The following VOPP1 variants were observed in gnomAD, a reference collection of about 807,000 sequenced individuals.
The protein encoded by VOPP1 is VOPP1 WW domain binding protein.
Under a neutral mutation model 23.5 loss-of-function variants are expected in VOPP1, and 8 were observed. The ratio of observed to expected loss-of-function variants is 0.34; its 90% CI spans 0.20 to 0.61. The LOEUF (loss-of-function observed/expected upper bound fraction) is 0.61. VOPP1 is among the 20% of genes least tolerant of loss of function. The pLI, the probability that VOPP1 is intolerant of heterozygous loss-of-function variation, is 0.78. For synonymous variants in VOPP1, 83 were observed against 97.3 expected (o/e 0.85, Z 0.86); for missense variants, 174 against 238.1 (o/e 0.73, Z 1.77).
At chr7:55,545,035 T>C (rs979468198) in intron 1 of VOPP1, among the ~76,000 whole-genome samples, 1 of 152,276 alleles carries the variant, frequency 6.6e-6, no homozygotes, top group African/African-American at 2.4e-5. Context: ...AGAAGGTATG[T>C]GTATTATTTT....
chr7:55,452,442 C>T (rs1203810525), intron 4 of VOPP1, among the ~76,000 whole-genome samples: 3 of 152,166 alleles, frequency 2.0e-5, no homozygotes, highest in African/African-American at 7.2e-5. Context: ...TGACTGCCTC[C>T]CATGAATCAC....
intron 1 of VOPP1, among the ~76,000 whole-genome samples, chr7:55,532,545 G>T (rs1260991911): frequency 6.6e-6 from 1 of 152,220 alleles, no homozygotes; most frequent in African/African-American, 2.4e-5. Context: ...TCTCTATGGA[G>T]AGTGAGAATA....
chr7:55,532,524 G>A (rs866022630), intron 1 of VOPP1, among the ~76,000 whole-genome samples: 4 of 152,194 alleles, frequency 2.6e-5, no homozygotes, highest in African/African-American at 4.8e-5. Flanking sequence ...TCTCTACAAC[G>A]TACTTTTGTG....
intron 3 of VOPP1, among the ~76,000 whole-genome samples, chr7:55,494,382 G>A (rs962728974): frequency 5.9e-5 from 9 of 152,110 alleles, no homozygotes; most frequent in African/African-American, 1.4e-4. Context: ...GACCAGGCTC[G>A]CTGGATTGAA....
intron 2 of VOPP1, among the ~76,000 whole-genome samples, chr7:55,506,764 A>T (rs1460269067): frequency 6.7e-6 from 1 of 149,610 alleles, no homozygotes; most frequent in African/African-American, 2.5e-5. Context: ...TCAGCCTCCC[A>T]AGTAGCTGGG....
chr7:55,468,849 G>A (rs141545002), downstream of VOPP1, among the ~76,000 whole-genome samples: 19 of 152,300 alleles, frequency 1.2e-4, no homozygotes, highest in African/African-American at 4.1e-4. Flanking sequence ...CTCAGTGTTC[G>A]AAGGATTTGA....
At chr7:55,442,489 A>C (rs1208295551) in intron 4 of VOPP1, among the ~76,000 whole-genome samples, 1 of 152,192 alleles carries the variant, frequency 6.6e-6, no homozygotes, top group Non-Finnish European at 1.5e-5. Context: ...GTGGGTTGTC[A>C]GTGTCTCAAC....
intron 4 of VOPP1, among the ~76,000 whole-genome samples, chr7:55,446,432 A>G (rs952237599): frequency 1.3e-5 from 2 of 152,156 alleles, no homozygotes; most frequent in Non-Finnish European, 2.9e-5. Context: ...TAGAGATACC[A>G]CACCCTTCCC....
chr7:55,511,386 AAAC>A (rs1795061847), intron 2 of VOPP1, among the ~76,000 whole-genome samples: 1 of 152,246 alleles, frequency 6.6e-6, no homozygotes, highest in African/African-American at 2.4e-5. Flanking sequence ...AAAATATATG[AAAC>A]ATCATACCAA....
chr7:55,566,137 G>A (rs1309545073), intron 1 of VOPP1, among the ~76,000 whole-genome samples: 1 of 152,186 alleles, frequency 6.6e-6, no homozygotes, highest in Non-Finnish European at 1.5e-5. Flanking sequence ...GGTGGCCAAA[G>A]GAGAATGATA....
At chr7:55,439,599 T>A (rs139359003) in intron 4 of VOPP1, among the ~76,000 whole-genome samples, 89 of 152,014 alleles carry the variant, frequency 5.9e-4, no homozygotes, top group African/African-American at 2.1e-3. Context: ...AGTGCTGGAG[T>A]GACGTCTCCA....
rs142961857 is a variant in VOPP1 at position 55,544,690 on chromosome 7, T to C, written c.55-23560A>G. Among the ~76,000 whole-genome samples, 36 of 152,282 alleles carry C rather than the reference T, an allele frequency of 2.4e-4. No individual in the cohort carries two copies. The East Asian group carries it at 6.4e-3, about 27-fold the overall frequency. On this transcript the variant is annotated intron_variant, in intron 1 of 4. Transcript: ENST00000285279. Reference sequence around the variant, plus strand: ...TAACATTTAACTCTGGAGAGTGTTGTTGAAGGCTTCCGCAGAGTTGGTGGA... The same window carrying C: ...TAACATTTAACTCTGGAGAGTGTTGCTGAAGGCTTCCGCAGAGTTGGTGGA...
At chr7:55,549,033 G>A (rs1170799732) in intron 1 of VOPP1, among the ~76,000 whole-genome samples, 1 of 152,178 alleles carries the variant, frequency 6.6e-6, no homozygotes, top group Non-Finnish European at 1.5e-5. Flanking sequence ...ATGGAAGTTG[G>A]GAGATTTAAA....
chr7:55,529,452 G>A (rs1796377298), intron 1 of VOPP1, among the ~76,000 whole-genome samples: 1 of 151,552 alleles, frequency 6.6e-6, no homozygotes, highest in Admixed American at 6.6e-5. Context: ...GTGCACCCAG[G>A]AGCTCCTACT....
At chr7:55,539,899 G>GCAAA (rs1797038380) in intron 1 of VOPP1, among the ~76,000 whole-genome samples, 1 of 139,250 alleles carries the variant, frequency 7.2e-6, no homozygotes, top group Admixed American at 7.2e-5. Context: ...CATAAGCGCT[G>GCAAA]CACACACACA....
chr7:55,522,443 C>T (rs895877142), intron 1 of VOPP1, among the ~76,000 whole-genome samples: 8 of 152,184 alleles, frequency 5.3e-5, no homozygotes, highest in Non-Finnish European at 1.2e-4. Context: ...AGAAATGAAG[C>T]TCAGACAGCT....
rs114949661 is a variant in VOPP1, at chr7:55,569,955, G to A, written c.54+2316C>T. Among the ~76,000 whole-genome samples the A allele has an allele frequency of 3.4e-3, 516 of 152,256 alleles. 3 individuals are homozygous for A. Among genetic ancestry groups the A allele is most frequent in the African/African-American group, 0.011 (474 of 41,540 alleles). The stretch of plus-strand genomic sequence containing the variant: ...TTTCAGGTGGTTTATGATCAACCAC[G>A]TGGCAAATTTATACACTGAAACCAG... On this transcript the variant is annotated intron_variant, in intron 1 of 4. Transcript: ENST00000285279.
At chr7:55,479,669 C>T (rs1792556813) in intron 4 of VOPP1, among the ~76,000 whole-genome samples, 1 of 152,062 alleles carries the variant, frequency 6.6e-6, no homozygotes, top group Non-Finnish European at 1.5e-5. Context: ...TTAAGCAATC[C>T]AATTTTCATG....
chr7:55,439,514 G>T (rs949057781), intron 4 of VOPP1, among the ~76,000 whole-genome samples: 1 of 152,194 alleles, frequency 6.6e-6, no homozygotes, highest in African/African-American at 2.4e-5. Context: ...AAAATAACAG[G>T]ATGTTTGTAA....
Sources: gnomAD v4.1 joint callset for allele counts (sites outside exome capture counted in the v4.1 genomes callset) on GRCh38, gnomAD v4.1.1 for gene constraint, MANE v1.5 for transcripts, NCBI Gene and HGNC (gene_info 2026-07-23, HGNC 2026-07-21) for gene names.